SMARCD2: variants seen among roughly 807,000 people sequenced by gnomAD.
The protein encoded by SMARCD2 is SWI/SNF related BAF chromatin remodeling complex subunit D2.
A neutral mutation model predicts 70.4 loss-of-function variants in SMARCD2; 39 were observed. The observed-to-expected ratio is 0.55, with a 90% CI of 0.43 to 0.72. SMARCD2 has a LOEUF of 0.72. SMARCD2 is among the 30% of genes least tolerant of loss of function. The pLI, the probability that SMARCD2 is intolerant of heterozygous loss-of-function variation, is 0.00. For synonymous variants in SMARCD2, 249 were observed against 279.4 expected, an observed-to-expected ratio of 0.89 and a Z score of 1.08; for missense variants, 540 against 713.4, an observed-to-expected ratio of 0.76 and a Z score of 2.77.
rs993655292 is a variant in SMARCD2, at chr17:63,832,273, T to G, written c.*665A>C. On this transcript the variant is annotated 3_prime_UTR_variant, in exon 13 of 13. Transcript: ENST00000448276. ...CATGCTAGAGAACTGGAGTGTCCCC[T>G]CCCCGGCCCAAGCCGCTGGAGAGGC... 13 of 402,262 alleles carry G rather than the reference T, an allele frequency of 3.2e-5. No homozygotes were observed. The highest frequency in any genetic ancestry group is 2.4e-4 in the African/African-American group (12 of 49,330). The allele number at this position is 402,262 out of a possible 1,614,324, so 24.9% of individuals were successfully genotyped here.
chr17:63,835,704 G>C, intron 4 of SMARCD2, 137 bp from the exon 5 acceptor site: 1 of 721,776 alleles, frequency 1.4e-6, no homozygotes, highest in Middle Eastern at 2.6e-4. Context: ...CAGGTACTGG[G>C]AATCAGAAGT....
In SMARCD2 at chr17:63,833,433, C is replaced by T. The variant is rs779387625; in HGVS notation, c.1318-13G>A. The T allele has an allele frequency of 4.3e-6, 7 of 1,613,574 alleles. No individual in the cohort carries two copies. In the Middle Eastern group the frequency reaches 4.9e-4, roughly 114 times the overall value. ...TGGTCTCATGGATCTGGAGAGGGTA[C>T]CTGTGTCAGACTGTGCCCCCAAAGC... On this transcript the variant is annotated splice_polypyrimidine_tract_variant and intron_variant, in intron 10 of 12. Coordinates refer to ENST00000448276, the MANE Select transcript of SMARCD2 (RefSeq NM_001098426.2). The surrounding 1 kb of genome is among the most constrained non-coding windows in gnomAD (Gnocchi z 4.3).
At chr17:63,839,051 G>C in intron 1 of SMARCD2, 1 of 985,342 alleles carries the variant, frequency 1.0e-6, no homozygotes, top group Non-Finnish European at 1.2e-6. Flanking sequence ...TGGGGCTTTG[G>C]GAGTCCTGCC....
Position 63,837,169 on chromosome 17 carries a change from C to T in SMARCD2, c.444+26G>A. On this transcript the variant is annotated intron_variant, in intron 3 of 12. Transcript: ENST00000448276. This position sits in a 1 kb window ranked among gnomAD's most constrained non-coding sequence, Gnocchi z 6.4. ...ACCCCAAGGTGGCCACTGGGCAGGCCTCCCAGGTGTCCTCTTAACACTTAC... is the reference window on the plus strand; with the variant it reads ...ACCCCAAGGTGGCCACTGGGCAGGCTTCCCAGGTGTCCTCTTAACACTTAC... 6.2e-7 allele frequency: 1 copy of T among 1,612,826 alleles called. No individual in the cohort carries two copies. Among genetic ancestry groups the T allele is most frequent in the Non-Finnish European group, 8.5e-7 (1 of 1,179,072 alleles).
intron 4 of SMARCD2, 22 bp from the exon 5 acceptor site, chr17:63,835,589 C>T: frequency 1.2e-6 from 2 of 1,612,288 alleles, no homozygotes; most frequent in Non-Finnish European, 1.7e-6. Context: ...AAGGCAATCA[C>T]AACTGGAGGT....
Position 63,834,510 on chromosome 17 carries a change from G to T in SMARCD2, c.885C>A (p.Asn295Lys). Reference sequence around the variant, plus strand: ...GCATGAGCAGGAGGGTGCACTTGACGTTGAGGTCTCCAGGCCGTTTTACTT... The same window carrying T: ...GCATGAGCAGGAGGGTGCACTTGACTTTGAGGTCTCCAGGCCGTTTTACTT... ...GFQVKRPGDL[N>K]VKCTLLLMLD... The change falls in exon 7 of 13, where the codon AAC becomes AAA. Residue 295 changes from asparagine (N) to lysine (K), a missense_variant. By Grantham distance (94) the Asn-to-Lys change is moderately conservative. Transcript: ENST00000448276. The surrounding 1 kb of genome is among the most constrained non-coding windows in gnomAD (Gnocchi z 5.6). 6.2e-7 allele frequency: 1 copy of T among 1,604,766 alleles called. No individual in the cohort carries two copies. Among genetic ancestry groups the T allele is most frequent in the Non-Finnish European group, 8.5e-7 (1 of 1,173,490 alleles).
chr17:63,834,089 G>T lies in SMARCD2; in HGVS notation c.1083+78C>A, dbSNP rs1318886033. 1.9e-6 allele frequency: 3 copies of T among 1,594,820 alleles called. No homozygotes were observed. Among genetic ancestry groups the T allele is most frequent in the Non-Finnish European group, 2.6e-6 (3 of 1,164,104 alleles). ...CCAGGACCAGTGAGGGCAGCAGTCT[G>T]CAGGCTGTGGCCAAGGAGTAGCCCA... On this transcript the variant is annotated intron_variant, in intron 8 of 12. Coordinates refer to ENST00000448276, the MANE Select transcript of SMARCD2 (RefSeq NM_001098426.2). This position sits in a 1 kb window ranked among gnomAD's most constrained non-coding sequence, Gnocchi z 5.6.
intron 1 of SMARCD2, among the ~76,000 whole-genome samples, chr17:63,841,954 C>G (rs1172014988): frequency 6.6e-6 from 1 of 152,214 alleles, no homozygotes; most frequent in Non-Finnish European, 1.5e-5. Context: ...GCGTCCCGTG[C>G]CCGTGGGAAG....
At chr17:63,840,066 T>C (rs1042976558) in intron 1 of SMARCD2, among the ~76,000 whole-genome samples, 1 of 151,664 alleles carries the variant, frequency 6.6e-6, no homozygotes, top group African/African-American at 2.4e-5. Flanking sequence ...GAGGCGGAGG[T>C]TGCAGTGAGC....
In SMARCD2 at chr17:63,835,570, A is replaced by T. The variant is rs2040255240; in HGVS notation, c.568-3T>A. The stretch of plus-strand genomic sequence containing the variant: ...TAGATCCGAAGCTTTCGCTTTTGCT[A>T]AAGAGAGAAAGGCAATCACAACTGG... On this transcript the variant is annotated splice_region_variant and splice_polypyrimidine_tract_variant and intron_variant, in intron 4 of 12. Transcript: ENST00000448276. 6.2e-7 allele frequency: 1 copy of T among 1,613,422 alleles called. No individual in the cohort carries two copies. The highest frequency in any genetic ancestry group is 1.1e-5 in the South Asian group (1 of 91,010).
chr17:63,833,047 G>A lies in SMARCD2; in HGVS notation c.1542+22C>T, dbSNP rs1480624533. ...CCTTTGCTACTCACGGCCAAAGGAG[G>A]GAAAACAGGGCAGAGCCTCACCTTG... On this transcript the variant is annotated intron_variant, in intron 12 of 12. Coordinates refer to ENST00000448276, the MANE Select transcript of SMARCD2 (RefSeq NM_001098426.2). This position sits in a 1 kb window ranked among gnomAD's most constrained non-coding sequence, Gnocchi z 4.3. 6.3e-7 allele frequency: 1 copy of A among 1,587,528 alleles called. No homozygotes were observed. The highest frequency in any genetic ancestry group is 8.6e-7 in the Non-Finnish European group (1 of 1,167,618).
chr17:63,836,029 G>A (rs1014760191), intron 4 of SMARCD2, among the ~76,000 whole-genome samples: 34 of 151,954 alleles, frequency 2.2e-4, no homozygotes, highest in East Asian at 2.1e-3. Context: ...GCACCTGGCC[G>A]GAACTCACCA....
chr17:63,836,647 T>C (rs2040269903), intron 4 of SMARCD2: 1 of 331,964 alleles, frequency 3.0e-6, no homozygotes, highest in Non-Finnish European at 5.5e-6. Flanking sequence ...ACCCAAGGTC[T>C]GCATATCTAT....
intron 1 of SMARCD2, chr17:63,838,544 G>T: frequency 7.5e-7 from 1 of 1,328,544 alleles, no homozygotes; most frequent in Non-Finnish European, 9.9e-7. Context: ...TAGAGGCCCA[G>T]GCTGAGCAGC....
Position 63,833,761 on chromosome 17 carries a change from C to T in SMARCD2, c.1182-39G>A, listed in dbSNP as rs2040226975. On this transcript the variant is annotated intron_variant, in intron 9 of 12. Coordinates refer to ENST00000448276, the MANE Select transcript of SMARCD2 (RefSeq NM_001098426.2). The surrounding 1 kb of genome is among the most constrained non-coding windows in gnomAD (Gnocchi z 4.3). ...ATGGGGAGGGAAGGCACATAGCTGA[C>T]TTCATCCTGCCCACCTGGGCCAAAT... 6 of 1,612,554 alleles carry T rather than the reference C, an allele frequency of 3.7e-6. No individual in the cohort carries two copies. The highest frequency in any genetic ancestry group is 1.3e-5 in the African/African-American group (1 of 74,920).
At chr17:63,835,142 G>A (rs2040249287) in intron 5 of SMARCD2, 2 of 526,440 alleles carry the variant, frequency 3.8e-6, no homozygotes, top group South Asian at 2.6e-5. Flanking sequence ...TTTTTTTTCT[G>A]AGACACAATC....
At position 63,832,195 on chromosome 17, in the gene SMARCD2, C is replaced by G; in HGVS notation, c.*743G>C. 1.7e-6 allele frequency: 1 copy of G among 587,750 alleles called. No homozygotes were observed. The highest frequency in any genetic ancestry group is 3.0e-6 in the Non-Finnish European group (1 of 329,432). 36.4% of individuals were successfully genotyped at this position (587,750 alleles called of 1,614,324 possible). A position where few individuals can be genotyped will look rare whatever the true frequency, so the allele number is the denominator to read the frequency against. On this transcript the variant is annotated 3_prime_UTR_variant, in exon 13 of 13. Transcript: ENST00000448276. Reference sequence around the variant, plus strand: ...AAAGGGCAACACCAGTCCTCCCAGCCTCCCCATTCACCTTACCCTGGCCTC... The same window carrying G: ...AAAGGGCAACACCAGTCCTCCCAGCGTCCCCATTCACCTTACCCTGGCCTC...
rs989503150 is a variant in SMARCD2 at position 63,837,941 on chromosome 17, C to G, written c.217-316G>C. ...AGGGCCCATTGCTACCTTCCAGCCCCAGCATGCTGTGCCCTATTCCCTGGG... is the reference window on the plus strand; with the variant it reads ...AGGGCCCATTGCTACCTTCCAGCCCGAGCATGCTGTGCCCTATTCCCTGGG... On this transcript the variant is annotated intron_variant, in intron 1 of 12. Coordinates refer to ENST00000448276, the MANE Select transcript of SMARCD2 (RefSeq NM_001098426.2). This position sits in a 1 kb window ranked among gnomAD's most constrained non-coding sequence, Gnocchi z 6.4. 1.3e-5 allele frequency among the ~76,000 whole-genome samples: 2 copies of G among 152,156 alleles called. No individual in the cohort carries two copies. The highest frequency in any genetic ancestry group is 2.9e-5 in the Non-Finnish European group (2 of 68,012).
Position 63,835,551 on chromosome 17 carries a change from C to A in SMARCD2, c.584G>T (p.Arg195Leu). 1 of 1,613,782 alleles carries A rather than the reference C, an allele frequency of 6.2e-7. No homozygotes were observed. The highest frequency in any genetic ancestry group is 8.5e-7 in the Non-Finnish European group (1 of 1,179,812). The change falls in exon 5 of 13, where the codon CGG (arginine) becomes CTG (leucine). Residue 195 changes from arginine (R) to leucine (L), a missense_variant. Transcript: ENST00000448276. Reference protein sequence around the residue: ...KKPLTQKRKLRIYISNTFSPS... With the variant: ...KKPLTQKRKLLIYISNTFSPS... ...ACTGAACGTATTGGAAATGTAGATC[C>A]GAAGCTTTCGCTTTTGCTAAAGAGA...
Sources: allele counts gnomAD v4.1 joint callset (sites outside exome capture counted in the v4.1 genomes callset), GRCh38; gene constraint gnomAD v4.1.1; non-coding constraint Gnocchi (gnomAD v3.1); transcripts MANE v1.5; gene names NCBI Gene and HGNC (gene_info 2026-07-23, HGNC 2026-07-21).